The following MIDEAS variants were observed in gnomAD, a reference collection of about 807,000 sequenced individuals.
MIDEAS encodes the protein mitotic deacetylase associated SANT domain protein.
In MIDEAS, 26 loss-of-function variants were observed where a neutral mutation model predicts 102.7. That is an observed-to-expected ratio of 0.25 (90% CI 0.19 to 0.35). The LOEUF is 0.35. Among genes scored for constraint, MIDEAS ranks in the 10% least tolerant of loss-of-function variants. MIDEAS has a pLI of 1.00. For missense variants in MIDEAS, 1,231 were observed against 1,435.6 expected (o/e 0.86, Z 2.30); for synonymous variants, 585 against 591.0 (o/e 0.99, Z 0.15).
At position 73,722,646 on chromosome 14, in the gene MIDEAS, G is replaced by C. The variant is rs376533582; in HGVS notation, c.2724+52C>G. 6.3e-6 allele frequency: 10 copies of C among 1,598,150 alleles called. No homozygotes were observed. In the East Asian group the frequency reaches 8.9e-5, roughly 14 times the overall value. On this transcript the variant is annotated intron_variant, in intron 10 of 12. Coordinates refer to ENST00000423556, the MANE Select transcript of MIDEAS (RefSeq NM_001367710.1). ...GGGCTCGGGCTCCCAGCTCAGGCCT[G>C]GTCCCAGACCCAGCCCAGGCTCTAT...
intron 1 of MIDEAS, among the ~76,000 whole-genome samples, chr14:73,749,017 T>C (rs2053388460): frequency 6.6e-6 from 1 of 152,134 alleles, no homozygotes; most frequent in Admixed American, 6.5e-5. Context: ...TGTTATTTTA[T>C]ACATACACAT....
rs1297057283 is a variant in MIDEAS at position 73,726,587 on chromosome 14, T to TG, written c.2409+16dup. On this transcript the variant is annotated intron_variant, in intron 7 of 12. Coordinates refer to ENST00000423556, the MANE Select transcript of MIDEAS (RefSeq NM_001367710.1). ...CCCCACTGAGGGGCCCTCCCTCTGC[T>TG]GGGGTTGCCTTCTCACCAGGATGTC... 11 of 1,612,606 alleles carry TG rather than the reference T, an allele frequency of 6.8e-6. No individual in the cohort carries two copies. Among genetic ancestry groups the TG allele is most frequent in the Non-Finnish European group, 9.3e-6 (11 of 1,178,970 alleles).
intron 11 of MIDEAS, among the ~76,000 whole-genome samples, chr14:73,720,935 A>G (rs1238735073): frequency 6.6e-6 from 1 of 152,132 alleles, no homozygotes; most frequent in African/African-American, 2.4e-5. Context: ...CTGTCTGCAA[A>G]CCACCAATGC....
chr14:73,746,750 T>C (rs2053357158), intron 1 of MIDEAS, among the ~76,000 whole-genome samples: 1 of 152,148 alleles, frequency 6.6e-6, no homozygotes, highest in Non-Finnish European at 1.5e-5. Context: ...GGGCCTCCCT[T>C]GCCATTGCCT....
rs982635221 is a variant in MIDEAS at position 73,742,562 on chromosome 14, C to T, written c.-247-2307G>A. On this transcript the variant is annotated intron_variant, in intron 1 of 12. Transcript: ENST00000423556. This position sits in a 1 kb window ranked among gnomAD's most constrained non-coding sequence, Gnocchi z 4.4. ...GGAGCTGAGCTCAGCTGGGAAGCCT[C>T]CCACTCCCACCCTGCACATCAAGGA... 4.6e-5 allele frequency among the ~76,000 whole-genome samples: 7 copies of T among 152,208 alleles called. No homozygotes were observed. The highest frequency in any genetic ancestry group is 1.0e-4 in the Non-Finnish European group (7 of 68,020).
rs749787290 is a variant in MIDEAS at position 73,726,848 on chromosome 14, G to A, written c.2287C>T (p.Arg763Trp). 2.8e-5 allele frequency: 45 copies of A among 1,610,798 alleles called. No individual in the cohort carries two copies. The highest frequency in any genetic ancestry group is 2.3e-4 in the South Asian group (21 of 90,906). The change falls in exon 6 of 13, where the codon CGG becomes TGG. Residue 763 changes from arginine to tryptophan, a missense_variant. This residue lies in a region of MIDEAS where 391 missense variants were observed against 483.0 expected (regional missense o/e 0.81). Transcript: ENST00000423556. The stretch of plus-strand genomic sequence containing the variant: ...TCCTCACCTTGCCTCTGCTTCTCCC[G>A]GCTGCTCTCTAGGTCCTCCCATGGC... ...WQPWEDLESS[R>W]EKQRQVEDLL...
intron 3 of MIDEAS, among the ~76,000 whole-genome samples, chr14:73,733,413 C>T (rs1482831009): frequency 6.6e-6 from 1 of 152,036 alleles, no homozygotes; most frequent in Non-Finnish European, 1.5e-5. Context: ...CATGGTGAAA[C>T]CCCATCTCTA....
chr14:73,729,852 G>T lies in MIDEAS; in HGVS notation c.1883C>A (p.Thr628Asn). ...FIAPPVYSNI[T>N]PYQSHLRSPV... ...AGAGCGCAGGTGGCTCTGGTATGGG[G>T]TGATGTTGGAGTAGACGGGAGGGGC... The change falls in exon 4 of 13, where the codon ACC becomes AAC. Residue 628 changes from threonine (T) to asparagine (N), a missense_variant. Physicochemically the swap from Thr to Asn is moderately conservative, Grantham distance 65. This residue lies in a region of MIDEAS where 758 missense variants were observed against 856.0 expected (regional missense o/e 0.89). Transcript: ENST00000423556. 6.2e-7 allele frequency: 1 copy of T among 1,614,038 alleles called. No individual in the cohort carries two copies.
chr14:73,720,121 A>G (rs2052965830), intron 11 of MIDEAS, among the ~76,000 whole-genome samples: 1 of 152,016 alleles, frequency 6.6e-6, no homozygotes, highest in Non-Finnish European at 1.5e-5. Context: ...AACTCTGTAG[A>G]GCGCTACACA....
At chr14:73,787,755 T>C (rs1225657902), upstream of MIDEAS, among the ~76,000 whole-genome samples, 1 of 152,228 alleles carries the variant, frequency 6.6e-6, no homozygotes, top group Non-Finnish European at 1.5e-5. Flanking sequence ...TCGTCATTTC[T>C]ACGGGTTATA....
chr14:73,739,878 T>C lies in MIDEAS; in HGVS notation c.131A>G (p.Glu44Gly). 6.3e-7 allele frequency: 1 copy of C among 1,581,616 alleles called. No homozygotes were observed. Among genetic ancestry groups the C allele is most frequent in the Non-Finnish European group, 8.6e-7 (1 of 1,161,114 alleles). Reference sequence around the variant, plus strand: ...TGGACCCTCGTGCCCGAGGTACTGCTCCTCCTTCACTCTGATGGACTGCTG... The same window carrying C: ...TGGACCCTCGTGCCCGAGGTACTGCCCCTCCTTCACTCTGATGGACTGCTG... The part of the protein sequence containing the change: ...PPQQSIRVKE[E>G]QYLGHEGPGG... The change falls in exon 2 of 13, where the codon GAG (glutamate) becomes GGG (glycine). Residue 44 changes from glutamate (E) to glycine (G), a missense_variant. Coordinates refer to ENST00000423556, the MANE Select transcript of MIDEAS (RefSeq NM_001367710.1).
In MIDEAS at chr14:73,719,827, C is replaced by T. The variant is rs945653036; in HGVS notation, c.2938-326G>A. Among the ~76,000 whole-genome samples the T allele has an allele frequency of 1.4e-4, 22 of 151,978 alleles. 1 individual carries two copies. Among genetic ancestry groups the T allele is most frequent in the African/African-American group, 3.9e-4 (16 of 41,392 alleles). ...TGTTGATGTTTTCTGTCATTTAGTCCGCTCATGCCCTGTTCTATAAATGAG... is the reference window on the plus strand; with the variant it reads ...TGTTGATGTTTTCTGTCATTTAGTCTGCTCATGCCCTGTTCTATAAATGAG... On this transcript the variant is annotated intron_variant, in intron 11 of 12. Transcript: ENST00000423556.
chr14:73,740,843 C>T (rs2053272720), intron 1 of MIDEAS, among the ~76,000 whole-genome samples: 1 of 152,248 alleles, frequency 6.6e-6, no homozygotes, highest in African/African-American at 2.4e-5. Flanking sequence ...GCCACTCCTC[C>T]TGTGCAGCCC....
In MIDEAS at chr14:73,726,715, C is replaced by T; in HGVS notation, c.2306-8G>A. 1 of 1,614,170 alleles carries T rather than the reference C, an allele frequency of 6.2e-7. No homozygotes were observed. Among genetic ancestry groups the T allele is most frequent in the Non-Finnish European group, 8.5e-7 (1 of 1,179,996 alleles). On this transcript the variant is annotated splice_region_variant and splice_polypyrimidine_tract_variant and intron_variant, in intron 6 of 12. Transcript: ENST00000423556. ...CTGTCAGCAGGTCTTCCACTGGATC[C>T]ACAGGAGCATGAGGAGGGAGGGGAG...
chr14:73,725,283 C>T lies in MIDEAS; in HGVS notation c.2563G>A (p.Val855Met), dbSNP rs1165797744. The change falls in exon 9 of 13, where the codon GTG becomes ATG. Residue 855 changes from valine to methionine, a missense_variant. Around this residue, in one of 5 missense-constraint regions of MIDEAS, gnomAD observed 391 missense variants for 483.0 expected, o/e 0.81. Transcript: ENST00000423556. The surrounding 1 kb of genome is among the most constrained non-coding windows in gnomAD (Gnocchi z 4.1). ...AGAGCCCAGCTCACCAGCTTCTGCA[C>T]CAGGAAGAAATCCTTCTTGTAGATG... is the stretch of plus-strand genomic sequence containing the variant. ...IAIYKKDFFL[V>M]QKLIQTKTVA... is the part of the protein sequence containing the mutation. 2 of 1,613,992 alleles carry T rather than the reference C, an allele frequency of 1.2e-6. No homozygotes were observed. Among genetic ancestry groups the T allele is most frequent in the African/African-American group, 2.7e-5 (2 of 75,038 alleles).
At position 73,738,709 on chromosome 14, in the gene MIDEAS, T is replaced by G; in HGVS notation, c.1300A>C (p.Met434Leu). The change falls in exon 2 of 13, where the codon ATG (methionine) becomes CTG (leucine). Residue 434 changes from methionine (M) to leucine (L), a missense_variant. Transcript: ENST00000423556. ...CAGTCCCCTGTGCTCACTGCCCTCA[T>G]GCCCTCCTCGCTGCCCATGGCAGGA... ...EAPAMGSEEG[M>L]RAVSTGDCGQ... is the part of the protein sequence containing the mutation. The G allele has an allele frequency of 6.2e-7, 1 of 1,613,578 alleles. No homozygotes were observed. The highest frequency in any genetic ancestry group is 8.5e-7 in the Non-Finnish European group (1 of 1,179,804).
intron 3 of MIDEAS, among the ~76,000 whole-genome samples, chr14:73,730,634 T>C (rs1206921525): frequency 1.3e-5 from 2 of 151,994 alleles, no homozygotes; most frequent in Non-Finnish European, 2.9e-5. Context: ...AAGCTCCTAC[T>C]GCGTGCTAAG....
intron 1 of MIDEAS, among the ~76,000 whole-genome samples, chr14:73,749,051 T>C (rs2053388960): frequency 6.6e-6 from 1 of 152,126 alleles, no homozygotes. Context: ...CACTCTACTT[T>C]CAACAACGAA....
chr14:73,773,280 C>T (rs2053658519), intron 1 of MIDEAS, among the ~76,000 whole-genome samples: 1 of 151,882 alleles, frequency 6.6e-6, no homozygotes, highest in African/African-American at 2.4e-5. Context: ...CCTCAGCGTC[C>T]CTGCTATTCG....
Sources: gnomAD v4.1 joint callset for allele counts (sites outside exome capture counted in the v4.1 genomes callset) on GRCh38, gnomAD v4.1.1 for gene constraint, gnomAD v4.1.1 regional missense constraint, Gnocchi (gnomAD v3.1) non-coding constraint, MANE v1.5 for transcripts, NCBI Gene and HGNC (gene_info 2026-07-23, HGNC 2026-07-21) for gene names.